SPIDR: variants seen among roughly 807,000 people sequenced by gnomAD.
SPIDR encodes DNA repair-scaffolding protein.
A neutral mutation model predicts 104.6 loss-of-function variants in SPIDR; 93 were observed. The ratio of observed to expected loss-of-function variants is 0.89; its 90% CI spans 0.75 to 1.06. The LOEUF is 1.06. Ranked by LOEUF, SPIDR falls within the 50% of genes least tolerant of loss-of-function variation. The pLI is 0.00. For synonymous variants in SPIDR, 431 were observed against 416.9 expected (o/e 1.03, Z -0.41); for missense variants, 1,154 against 1,111.2 (o/e 1.04, Z -0.55).
intron 16 of SPIDR, among the ~76,000 whole-genome samples, chr8:47,720,661 G>A (rs2083261561): frequency 6.6e-6 from 1 of 152,108 alleles, no homozygotes; most frequent in Non-Finnish European, 1.5e-5. Context: ...TAATTGGGTT[G>A]TTCATTTTCT....
At chr8:47,399,497 G>C (rs1352542175) in intron 6 of SPIDR, among the ~76,000 whole-genome samples, 1 of 152,222 alleles carries the variant, frequency 6.6e-6, no homozygotes, top group Non-Finnish European at 1.5e-5. Context: ...GATGAGAACG[G>C]AGTTGTGGAG....
chr8:47,657,521 A>T (rs2073054883), intron 10 of SPIDR, among the ~76,000 whole-genome samples: 1 of 152,210 alleles, frequency 6.6e-6, no homozygotes, highest in Non-Finnish European at 1.5e-5. Context: ...CACAGGTGAT[A>T]AAACTGTATC....
intron 5 of SPIDR, among the ~76,000 whole-genome samples, chr8:47,298,246 T>A (rs2154244146): frequency 6.6e-6 from 1 of 152,364 alleles, no homozygotes; most frequent in East Asian, 1.9e-4. Context: ...TTTGGCGGTA[T>A]AAATGTCTTC....
At position 47,525,272 on chromosome 8, in the gene SPIDR, A is replaced by G. The variant is rs567976560; in HGVS notation, c.1098-70539A>G. ...TCATTTACATGTTGTGCCAAAGGGC[A>G]GCTGCTTGCTGCCTTGTCGTCACAA... On this transcript the variant is annotated intron_variant, in intron 8 of 19. Coordinates refer to ENST00000297423, the MANE Select transcript of SPIDR (RefSeq NM_001080394.4). Among the ~76,000 whole-genome samples the G allele has an allele frequency of 3.3e-5, 5 of 152,380 alleles. No homozygotes were observed. In the South Asian group the frequency reaches 8.3e-4, roughly 25 times the overall value.
At chr8:47,390,986 G>T (rs2060513054) in intron 5 of SPIDR, among the ~76,000 whole-genome samples, 1 of 152,008 alleles carries the variant, frequency 6.6e-6, no homozygotes, top group Non-Finnish European at 1.5e-5. Context: ...CACCCTCTCT[G>T]GCACACACTT....
chr8:47,350,197 CAAAG>C (rs2053187434), intron 5 of SPIDR, among the ~76,000 whole-genome samples: 1 of 152,180 alleles, frequency 6.6e-6, no homozygotes, highest in African/African-American at 2.4e-5. Flanking sequence ...TAAATTATAA[CAAAG>C]AATATTTGCA....
intron 5 of SPIDR, among the ~76,000 whole-genome samples, chr8:47,314,036 C>G (rs1470071758): frequency 6.6e-6 from 1 of 152,170 alleles, no homozygotes; most frequent in Non-Finnish European, 1.5e-5. Context: ...CTTCCCCACT[C>G]CATTAAGAAA....
At chr8:47,398,681 G>A (rs938363961) in intron 6 of SPIDR, among the ~76,000 whole-genome samples, 13 of 152,194 alleles carry the variant, frequency 8.5e-5, no homozygotes, top group African/African-American at 1.4e-4. Flanking sequence ...CAGGCCTGGC[G>A]TTGGAGATGT....
intron 11 of SPIDR, among the ~76,000 whole-genome samples, chr8:47,676,767 T>C (rs2076501560): frequency 6.6e-6 from 1 of 152,172 alleles, no homozygotes; most frequent in African/African-American, 2.4e-5. Context: ...ACAGTTCTGG[T>C]GATGAAATAT....
chr8:47,388,025 G>C (rs1474524453), intron 5 of SPIDR, among the ~76,000 whole-genome samples: 1 of 152,198 alleles, frequency 6.6e-6, no homozygotes, highest in African/African-American at 2.4e-5. Context: ...TGTAGGTCAT[G>C]AAGGTCATTG....
At chr8:47,330,693 T>C (rs1219617701) in intron 5 of SPIDR, 5 of 445,568 alleles carry the variant, frequency 1.1e-5, no homozygotes, top group South Asian at 4.7e-5. Flanking sequence ...TGATAACTTA[T>C]TTCTTTTCAG....
chr8:47,478,932 A>G (rs1349980464), intron 8 of SPIDR, among the ~76,000 whole-genome samples: 2 of 152,150 alleles, frequency 1.3e-5, no homozygotes, highest in African/African-American at 2.4e-5. Flanking sequence ...TACTCATCCA[A>G]GCCGTTCTTA....
At chr8:47,526,114 A>G (rs1368745158) in intron 8 of SPIDR, among the ~76,000 whole-genome samples, 3 of 152,226 alleles carry the variant, frequency 2.0e-5, no homozygotes, top group African/African-American at 7.2e-5. Context: ...CGGAAGGGAC[A>G]GAAAGGAAAG....
intron 16 of SPIDR, among the ~76,000 whole-genome samples, chr8:47,717,142 G>A (rs1030951365): frequency 1.3e-5 from 2 of 152,146 alleles, no homozygotes; most frequent in Non-Finnish European, 2.9e-5. Context: ...TGGTCCCTGG[G>A]GCGCATGTGC....
intron 8 of SPIDR, among the ~76,000 whole-genome samples, chr8:47,532,465 C>G (rs1215546941): frequency 6.6e-6 from 1 of 152,148 alleles, no homozygotes; most frequent in Non-Finnish European, 1.5e-5. Flanking sequence ...TAACATTGAT[C>G]AACAGAAAGC....
chr8:47,505,336 C>T (rs900825589), intron 8 of SPIDR, among the ~76,000 whole-genome samples: 128 of 152,326 alleles, frequency 8.4e-4, no homozygotes, highest in African/African-American at 2.9e-3. Flanking sequence ...TCAGCAATGG[C>T]GGGCGCCTCT....
chr8:47,543,844 G>C (rs899828947), intron 8 of SPIDR, among the ~76,000 whole-genome samples: 1 of 152,136 alleles, frequency 6.6e-6, no homozygotes, highest in Non-Finnish European at 1.5e-5. Context: ...AAGCTGGTGG[G>C]CTGTCACATC....
chr8:47,454,272 A>G (rs568265814), intron 8 of SPIDR, among the ~76,000 whole-genome samples: 3 of 152,334 alleles, frequency 2.0e-5, no homozygotes, highest in African/African-American at 7.2e-5. Context: ...TGTGGCACAT[A>G]CACACCATGG....
intron 8 of SPIDR, among the ~76,000 whole-genome samples, chr8:47,546,298 A>G (rs1199927325): frequency 1.3e-5 from 2 of 152,188 alleles, no homozygotes; most frequent in Non-Finnish European, 2.9e-5. Context: ...TCATAGGGCT[A>G]TTCAAATAAT....
Sources: gnomAD v4.1 joint callset for allele counts (sites outside exome capture counted in the v4.1 genomes callset) on GRCh38, gnomAD v4.1.1 for gene constraint, MANE v1.5 for transcripts, NCBI Gene and HGNC (gene_info 2026-07-23, HGNC 2026-07-21) for gene names.